Variants in SLC43A1 observed in about 807,000 individuals in gnomAD.
SLC43A1 encodes large neutral amino acids transporter small subunit 3.
A neutral mutation model predicts 59.5 loss-of-function variants in SLC43A1; 31 were observed. The observed-to-expected ratio is 0.52, with a 90% CI of 0.39 to 0.70. SLC43A1 has a LOEUF of 0.70. Ranked by LOEUF, SLC43A1 falls within the 30% of genes least tolerant of loss-of-function variation. SLC43A1 has a pLI of 0.00. For missense variants in SLC43A1, 598 were observed against 717.8 expected (o/e 0.83, Z 1.91); for synonymous variants, 259 against 290.9 (o/e 0.89, Z 1.12).
At position 57,494,035 on chromosome 11, in the gene SLC43A1, A is replaced by G; in HGVS notation, c.829T>C (p.Ser277Pro). 6.2e-7 allele frequency: 1 copy of G among 1,607,768 alleles called. No homozygotes were observed. Among genetic ancestry groups the G allele is most frequent in the Non-Finnish European group, 8.5e-7 (1 of 1,177,504 alleles). ...GAGGTGCCCCGAACATCCTGGGGTG[A>G]CATGAAGGCATCCGAACCGTCCTCC... ...SLEDGSDAFM[S>P]PQDVRGTSEN... Residue 277 changes from serine (S) to proline (P), a missense_variant, in exon 8 of 15, where the codon TCA (serine) becomes CCA (proline). Physicochemically the swap from Ser to Pro is moderately conservative, Grantham distance 74. Coordinates refer to ENST00000278426, the MANE Select transcript of SLC43A1 (RefSeq NM_003627.6).
chr11:57,487,560 C>T (rs931975057), intron 13 of SLC43A1, among the ~76,000 whole-genome samples: 3 of 152,102 alleles, frequency 2.0e-5, no homozygotes, highest in African/African-American at 7.2e-5. Context: ...TACTATGTGC[C>T]AGGCACTGCT....
intron 6 of SLC43A1, 33 bp from the exon 7 acceptor site, chr11:57,496,197 A>G (rs987644540): frequency 1.2e-6 from 2 of 1,611,116 alleles, no homozygotes; most frequent in African/African-American, 2.7e-5. Flanking sequence ...CGTGGGGGAG[A>G]CTGCCTGGCC....
At chr11:57,506,443 G>A (rs1043497610) in intron 2 of SLC43A1, among the ~76,000 whole-genome samples, 1 of 152,238 alleles carries the variant, frequency 6.6e-6, no homozygotes, top group Non-Finnish European at 1.5e-5. Context: ...GGCTGAGGTG[G>A]GAGGATTGCT....
intron 5 of SLC43A1, among the ~76,000 whole-genome samples, chr11:57,498,166 C>A (rs925992537): frequency 3.9e-5 from 6 of 152,154 alleles, no homozygotes; most frequent in Non-Finnish European, 1.5e-5. Context: ...CTTGGCTGGG[C>A]GCAGTGGCTC....
Position 57,514,286 on chromosome 11 carries a change from CCG to C in SLC43A1, c.-13-164_-13-163del, listed in dbSNP as rs1944626074. 1 of 778,592 alleles carries C rather than the reference CCG, an allele frequency of 1.3e-6. No homozygotes were observed. The highest frequency in any genetic ancestry group is 1.9e-5 in the South Asian group (1 of 52,922). 48.2% of individuals were successfully genotyped at this position (778,592 alleles called of 1,614,324 possible). On this transcript the variant is annotated intron_variant, in intron 1 of 14. Coordinates refer to ENST00000278426, the MANE Select transcript of SLC43A1 (RefSeq NM_003627.6). The surrounding 1 kb of genome is among the most constrained non-coding windows in gnomAD (Gnocchi z 5.5). ...CCCAGCCGGTGCCAAGGAGCTGGCT[CCG>C]CGCGCACTAGCAGTGCCAGAGGTGC...
intron 13 of SLC43A1, 96 bp downstream of exon 13, chr11:57,488,820 G>C (rs1943815888): frequency 1.0e-6 from 1 of 992,672 alleles, no homozygotes; most frequent in East Asian, 2.4e-5. Flanking sequence ...AGAGAGAGGT[G>C]CATTAGGGGA....
At chr11:57,489,189 A>C in intron 12 of SLC43A1, 62 bp downstream of exon 12, 1 of 1,596,324 alleles carries the variant, frequency 6.3e-7, no homozygotes, top group Non-Finnish European at 8.6e-7. Flanking sequence ...CAGGTGCTGG[A>C]TGGACCATCC....
intron 6 of SLC43A1, among the ~76,000 whole-genome samples, chr11:57,497,216 C>T (rs1944114711): frequency 6.6e-6 from 1 of 152,048 alleles, no homozygotes; most frequent in Admixed American, 6.5e-5. Context: ...TCAAAGGGTC[C>T]TTTGATATTT....
intron 6 of SLC43A1, among the ~76,000 whole-genome samples, chr11:57,497,150 C>T (rs544862786): frequency 5.9e-5 from 9 of 152,272 alleles, no homozygotes; most frequent in African/African-American, 1.2e-4. Flanking sequence ...AAGTGCAAAA[C>T]GGTATGCAGT....
intron 8 of SLC43A1, 53 bp downstream of exon 8, chr11:57,493,940 T>A: frequency 6.6e-7 from 1 of 1,510,950 alleles, no homozygotes; most frequent in Non-Finnish European, 8.9e-7. Flanking sequence ...TCACTGAATA[T>A]GAGGACCCAC....
Position 57,485,141 on chromosome 11 carries a change from C to T in SLC43A1, c.1635G>A (p.Gly545=). Residue 545 remains glycine (G), a synonymous_variant, in exon 15 of 15, where the codon GGG becomes GGA. Coordinates refer to ENST00000278426, the MANE Select transcript of SLC43A1 (RefSeq NM_003627.6). ...ARLQQEYAAN[G]MGPLKVLSGS... ...CGCTAAGCACCTTCAGTGGGCCCAT[C>T]CCATTGGCGGCGTACTCCTGCTGGA... The T allele has an allele frequency of 1.9e-6, 3 of 1,614,096 alleles. No individual in the cohort carries two copies. Among genetic ancestry groups the T allele is most frequent in the Non-Finnish European group, 2.5e-6 (3 of 1,180,018 alleles).
chr11:57,497,628 A>C, intron 6 of SLC43A1, 125 bp downstream of exon 6: 2 of 661,518 alleles, frequency 3.0e-6, no homozygotes, highest in South Asian at 3.8e-5. Flanking sequence ...GAAGGCCTGC[A>C]TTGGGATGAT....
intron 14 of SLC43A1, 35 bp from the exon 15 acceptor site, chr11:57,485,277 G>C (rs1458239014): frequency 1.3e-6 from 2 of 1,588,168 alleles, no homozygotes; most frequent in Non-Finnish European, 1.7e-6. Flanking sequence ...GAGTCAAGTA[G>C]GTAGTCATCT....
chr11:57,489,190 T>C, intron 12 of SLC43A1, 61 bp downstream of exon 12: 1 of 1,597,492 alleles, frequency 6.3e-7, no homozygotes, highest in Non-Finnish European at 8.6e-7. Flanking sequence ...AGGTGCTGGA[T>C]GGACCATCCC....
rs190615851 is a variant in SLC43A1 at position 57,492,897 on chromosome 11, G to A, written c.872-1035C>T. The stretch of plus-strand genomic sequence containing the variant: ...TCTACTAAAGATACAAAAATTAGCC[G>A]AGCATGGTGGTGCACGCCTGTAGTC... On this transcript the variant is annotated intron_variant, in intron 8 of 14. Transcript: ENST00000278426. 5.2e-3 allele frequency among the ~76,000 whole-genome samples: 779 copies of A among 151,050 alleles called. 5 individuals are homozygous for A. The highest frequency in any genetic ancestry group is 6.8e-3 in the Middle Eastern group (2 of 294).
At chr11:57,503,760 C>T (rs918639576) in intron 2 of SLC43A1, among the ~76,000 whole-genome samples, 4 of 152,190 alleles carry the variant, frequency 2.6e-5, no homozygotes, top group African/African-American at 7.2e-5. Flanking sequence ...GGCTGCACAC[C>T]GGTGACCAGC....
At chr11:57,513,844 C>A in intron 2 of SLC43A1, 114 bp downstream of exon 2, 1 of 796,562 alleles carries the variant, frequency 1.3e-6, no homozygotes, top group Non-Finnish European at 2.1e-6. Context: ...AGAAGTGAGG[C>A]TGTCCAACTG....
At chr11:57,509,298 A>C (rs748412477) in intron 2 of SLC43A1, among the ~76,000 whole-genome samples, 34 of 151,752 alleles carry the variant, frequency 2.2e-4, no homozygotes, top group Non-Finnish European at 4.9e-4. Flanking sequence ...CAAAACTCTA[A>C]GAAAACACAG....
intron 10 of SLC43A1, 36 bp downstream of exon 10, chr11:57,491,555 T>G: frequency 6.2e-7 from 1 of 1,613,046 alleles, no homozygotes; most frequent in Non-Finnish European, 8.5e-7. Flanking sequence ...TGCAGTGGGG[T>G]GGGCGTGAGC....
Sources: gnomAD v4.1 joint callset for allele counts (sites outside exome capture counted in the v4.1 genomes callset) on GRCh38, gnomAD v4.1.1 for gene constraint, Gnocchi (gnomAD v3.1) non-coding constraint, MANE v1.5 for transcripts, NCBI Gene and HGNC (gene_info 2026-07-23, HGNC 2026-07-21) for gene names.